PIK3C3: variants seen among roughly 807,000 people sequenced by gnomAD.
The protein encoded by PIK3C3 is PI3-kinase type 3.
PIK3C3 carries 95 observed loss-of-function variants against 126.1 expected under a neutral mutation model. That is an observed-to-expected ratio of 0.75 (90% confidence interval 0.64 to 0.89). The LOEUF is 0.89. PIK3C3 is among the 40% of genes least tolerant of loss of function. The pLI, the probability that PIK3C3 is intolerant of heterozygous loss-of-function variation, is 0.00. For synonymous variants in PIK3C3, 374 were observed against 360.0 expected (o/e 1.04, Z -0.44); for missense variants, 829 against 1,063.2 (o/e 0.78, Z 3.06).
Position 42,015,467 on chromosome 18 carries a change from C to T in PIK3C3, c.1326-9C>T, listed in dbSNP as rs1454988683. ...TACATCTCAGTGATCTCTTTTATTACTTTTTCAGCTCCCAAATTATAACCA... is the reference window on the plus strand; with the variant it reads ...TACATCTCAGTGATCTCTTTTATTATTTTTTCAGCTCCCAAATTATAACCA... On this transcript the variant is annotated splice_polypyrimidine_tract_variant and intron_variant, in intron 11 of 24. Coordinates refer to ENST00000262039, the MANE Select transcript of PIK3C3 (RefSeq NM_002647.4). 1.9e-6 allele frequency: 3 copies of T among 1,607,734 alleles called. No individual in the cohort carries two copies. The highest frequency in any genetic ancestry group is 2.7e-5 in the African/African-American group (2 of 74,786).
intron 24 of PIK3C3, among the ~76,000 whole-genome samples, chr18:42,078,134 T>C (rs1294818987): frequency 1.3e-5 from 2 of 151,894 alleles, no homozygotes; most frequent in Non-Finnish European, 2.9e-5. Context: ...TCCCAGCACT[T>C]TGGGAGGCCG....
chr18:42,030,356 A>G (rs1983767936), intron 15 of PIK3C3, among the ~76,000 whole-genome samples: 1 of 152,104 alleles, frequency 6.6e-6, no homozygotes, highest in African/African-American at 2.4e-5. Context: ...ATTTTTTCTG[A>G]TCAGTAGCCT....
intron 7 of PIK3C3, among the ~76,000 whole-genome samples, 158 bp downstream of exon 7, chr18:41,993,499 A>T (rs540027187): frequency 6.6e-6 from 1 of 152,226 alleles, no homozygotes; most frequent in South Asian, 2.1e-4. Flanking sequence ...ACTGTTTCTG[A>T]TGGAATTTTA....
At chr18:41,970,499 G>C in intron 4 of PIK3C3, 43 bp downstream of exon 4, 10 of 1,568,354 alleles carry the variant, frequency 6.4e-6, no homozygotes, top group Non-Finnish European at 8.8e-6. Context: ...TCTGACTGAT[G>C]TCTATTGTAG....
At chr18:42,079,951 G>T (rs750155584) in intron 24 of PIK3C3, among the ~76,000 whole-genome samples, 10 of 44,244 alleles carry the variant, frequency 2.3e-4, no homozygotes, top group Non-Finnish European at 3.3e-4. Context: ...TTTTGAGTGT[G>T]TGTGTGTGTG....
chr18:41,988,165 T>C (rs1981591906), intron 5 of PIK3C3, among the ~76,000 whole-genome samples: 1 of 152,142 alleles, frequency 6.6e-6, no homozygotes, highest in South Asian at 2.1e-4. Context: ...ACTTAATGCC[T>C]CAGTGGTGTG....
intron 3 of PIK3C3, among the ~76,000 whole-genome samples, chr18:41,968,495 C>T (rs1038246477): frequency 6.6e-6 from 1 of 152,116 alleles, no homozygotes; most frequent in African/African-American, 2.4e-5. Context: ...CACAGCTAGT[C>T]AATGCATTTT....
chr18:42,081,074 G>T, intron 24 of PIK3C3, 49 bp from the exon 25 acceptor site: 1 of 1,062,484 alleles, frequency 9.4e-7, no homozygotes, highest in Non-Finnish European at 1.4e-6. Context: ...TTATCTTTGT[G>T]AATAATTAAG....
chr18:41,958,872 A>C (rs963980298), intron 2 of PIK3C3, among the ~76,000 whole-genome samples: 4 of 152,124 alleles, frequency 2.6e-5, no homozygotes, highest in African/African-American at 9.7e-5. Context: ...CCTACTGTTA[A>C]CTCATGGCCA....
At chr18:42,020,777 A>G in intron 13 of PIK3C3, 72 bp downstream of exon 13, 1 of 832,214 alleles carries the variant, frequency 1.2e-6, no homozygotes, top group South Asian at 1.6e-5. Flanking sequence ...CTATAAACAC[A>G]AAGATGATTT....
At position 41,975,459 on chromosome 18, in the gene PIK3C3, T is replaced by C. The variant is rs534666754; in HGVS notation, c.531+5003T>C. Among the ~76,000 whole-genome samples, 33 of 152,340 alleles carry C rather than the reference T, an allele frequency of 2.2e-4. 1 individual carries two copies. In the East Asian group the frequency reaches 5.8e-3, roughly 27 times the overall value. On this transcript the variant is annotated intron_variant, in intron 4 of 24. Transcript: ENST00000262039. ...CAGTGCACATGTCGAACGTTTCTAT[T>C]ATTGCCAAAAGTTCTACTGACAGCA...
intron 9 of PIK3C3, 46 bp from the exon 10 acceptor site, chr18:42,004,310 C>T: frequency 6.8e-7 from 1 of 1,476,196 alleles, no homozygotes; most frequent in Non-Finnish European, 9.3e-7. Context: ...CTTCTCTATC[C>T]CAGGAAATAG....
At chr18:41,997,481 A>C (rs1982083695) in intron 9 of PIK3C3, among the ~76,000 whole-genome samples, 1 of 152,134 alleles carries the variant, frequency 6.6e-6, no homozygotes, top group South Asian at 2.1e-4. Context: ...TTTTGACTAC[A>C]GGCAAATTAC....
intron 21 of PIK3C3, 23 bp from the exon 22 acceptor site, chr18:42,057,860 A>G (rs766590278): frequency 1.9e-6 from 3 of 1,611,688 alleles, no homozygotes; most frequent in Non-Finnish European, 2.5e-6. Flanking sequence ...CTGGAAACAA[A>G]TGAGTTTCTT....
chr18:42,079,240 C>G (rs1479662932), intron 24 of PIK3C3, among the ~76,000 whole-genome samples: 1 of 152,058 alleles, frequency 6.6e-6, no homozygotes, highest in Non-Finnish European at 1.5e-5. Flanking sequence ...TCTTAATTGG[C>G]CTAATTTCCA....
Position 42,013,548 on chromosome 18 carries a change from T to C in PIK3C3, c.1277T>C (p.Val426Ala). The C allele has an allele frequency of 6.2e-7, 1 of 1,603,992 alleles. No individual in the cohort carries two copies. The highest frequency in any genetic ancestry group is 8.5e-7 in the Non-Finnish European group (1 of 1,173,854). Reference protein sequence around the residue: ...EPTKKDSQSSVSENVSNSGIN... With the variant: ...EPTKKDSQSSASENVSNSGIN... ...ACCAAGAAGGATAGTCAGAGTTCAG[T>C]GTCAGAAAATGTGTCAAATTCTGGA... is the stretch of plus-strand genomic sequence containing the variant. Residue 426 changes from valine to alanine, a missense_variant, in exon 11 of 25, where the codon GTG (valine) becomes GCG (alanine). Val to Ala is a moderately conservative substitution (Grantham distance 64). Around this residue, in one of 4 missense-constraint regions of PIK3C3, gnomAD observed 256 missense variants for 291.0 expected, o/e 0.88. Coordinates refer to ENST00000262039, the MANE Select transcript of PIK3C3 (RefSeq NM_002647.4).
intron 18 of PIK3C3, among the ~76,000 whole-genome samples, chr18:42,039,278 C>G (rs527712362): frequency 6.6e-6 from 1 of 152,166 alleles, no homozygotes; most frequent in Non-Finnish European, 1.5e-5. Flanking sequence ...TACTGAGAAA[C>G]AAAATACATG....
intron 20 of PIK3C3, among the ~76,000 whole-genome samples, chr18:42,046,043 TC>T (rs1984544184): frequency 6.6e-6 from 1 of 152,026 alleles, no homozygotes; most frequent in South Asian, 2.1e-4. Context: ...TGGTCCATTT[TC>T]CCCCCAAGAG....
chr18:42,012,183 TAAA>T (rs200019420), intron 10 of PIK3C3, among the ~76,000 whole-genome samples: 33,166 of 142,240 alleles, frequency 0.23, 4,055 homozygotes, highest in South Asian at 0.4. Context: ...CTTCATTCTG[TAAA>T]AAAAAAAAAA....
Sources: gnomAD v4.1 joint callset for allele counts (sites outside exome capture counted in the v4.1 genomes callset) on GRCh38, gnomAD v4.1.1 for gene constraint, gnomAD v4.1.1 regional missense constraint, MANE v1.5 for transcripts, NCBI Gene and HGNC (gene_info 2026-07-23, HGNC 2026-07-21) for gene names.